The following ERBB4 variants were observed in gnomAD, a reference collection of about 807,000 sequenced individuals.
The protein encoded by ERBB4 is erb-b2 receptor tyrosine kinase 4.
A neutral mutation model predicts 158.0 loss-of-function variants in ERBB4; 42 were observed. The observed-to-expected ratio is 0.27, with a 90% CI of 0.21 to 0.34. ERBB4 has a LOEUF of 0.34. Ranked by LOEUF, ERBB4 falls within the 10% of genes least tolerant of loss-of-function variation. The pLI, the probability that ERBB4 is intolerant of heterozygous loss-of-function variation, is 1.00. For missense variants in ERBB4, 1,333 were observed against 1,624.1 expected (o/e 0.82, Z 3.08); for synonymous variants, 583 against 558.7 (o/e 1.04, Z -0.61).
At chr2:212,277,618 G>A (rs1245054636) in intron 1 of ERBB4, among the ~76,000 whole-genome samples, 4 of 151,646 alleles carry the variant, frequency 2.6e-5, no homozygotes, top group African/African-American at 4.8e-5. Flanking sequence ...AGCCACAGAG[G>A]AAGACCACAA....
chr2:212,109,483 T>C (rs1439715723), intron 2 of ERBB4, among the ~76,000 whole-genome samples: 1 of 152,216 alleles, frequency 6.6e-6, no homozygotes, highest in Non-Finnish European at 1.5e-5. Flanking sequence ...CCCACTTCTT[T>C]CAGCTATTAC....
chr2:211,814,300 A>C (rs2076829031), intron 3 of ERBB4, among the ~76,000 whole-genome samples: 1 of 152,180 alleles, frequency 6.6e-6, no homozygotes, highest in Non-Finnish European at 1.5e-5. Flanking sequence ...GGATAAAATG[A>C]GATGATGCAT....
At chr2:211,555,921 A>T (rs979468143) in intron 20 of ERBB4, among the ~76,000 whole-genome samples, 1 of 152,222 alleles carries the variant, frequency 6.6e-6, no homozygotes, top group Non-Finnish European at 1.5e-5. Flanking sequence ...ACAAGTCTGC[A>T]TGATAACCAG....
intron 25 of ERBB4, among the ~76,000 whole-genome samples, chr2:211,413,309 AACACAC>A (rs36108369): frequency 2.3e-4 from 22 of 94,576 alleles, no homozygotes; most frequent in African/African-American, 3.8e-4. Flanking sequence ...CTGTCTTAAA[AACACAC>A]ACACACACAC....
intron 1 of ERBB4, among the ~76,000 whole-genome samples, chr2:212,493,067 G>C (rs1690366545): frequency 6.6e-6 from 1 of 151,166 alleles, no homozygotes; most frequent in Non-Finnish European, 1.5e-5. Flanking sequence ...AATACATTCT[G>C]ATTATTTGGT....
intron 1 of ERBB4, among the ~76,000 whole-genome samples, chr2:212,529,370 G>T (rs1692625082): frequency 6.6e-6 from 1 of 152,140 alleles, no homozygotes; most frequent in South Asian, 2.1e-4. Context: ...AACAGAAATT[G>T]CACCATATTT....
chr2:211,485,131 GCT>G (rs2065172269), intron 20 of ERBB4, among the ~76,000 whole-genome samples: 1 of 152,118 alleles, frequency 6.6e-6, no homozygotes, highest in Admixed American at 6.6e-5. Context: ...CTAATGTGAT[GCT>G]CTGTGGTACT....
chr2:211,699,013 A>T (rs7422053), intron 12 of ERBB4, among the ~76,000 whole-genome samples: 33,507 of 152,186 alleles, frequency 0.22, 4,829 homozygotes, highest in Middle Eastern at 0.33. Flanking sequence ...GTTACCCTTT[A>T]TAGATGAGTT....
chr2:211,550,130 T>A (rs183438573), intron 20 of ERBB4, among the ~76,000 whole-genome samples: 1 of 152,068 alleles, frequency 6.6e-6, no homozygotes, highest in Non-Finnish European at 1.5e-5. Flanking sequence ...AATAAACGTA[T>A]CCTTCACCTC....
At chr2:212,360,507 C>T (rs1052303731) in intron 1 of ERBB4, among the ~76,000 whole-genome samples, 4 of 151,452 alleles carry the variant, frequency 2.6e-5, no homozygotes, top group African/African-American at 7.3e-5. Flanking sequence ...TTCTTTTTTC[C>T]TCGGGACTCT....
chr2:211,967,267 T>C (rs2081333660), intron 2 of ERBB4, among the ~76,000 whole-genome samples: 1 of 152,058 alleles, frequency 6.6e-6, no homozygotes, highest in Non-Finnish European at 1.5e-5. Context: ...AATATCTAAA[T>C]GAATAAAACC....
intron 1 of ERBB4, among the ~76,000 whole-genome samples, chr2:212,494,464 C>T (rs952086758): frequency 6.6e-6 from 1 of 151,836 alleles, no homozygotes; most frequent in African/African-American, 2.4e-5. Context: ...AAAAAAATGA[C>T]CTCAGTTAGA....
intron 16 of ERBB4, among the ~76,000 whole-genome samples, chr2:211,635,691 G>A (rs2070331497): frequency 6.6e-6 from 1 of 151,988 alleles, no homozygotes; most frequent in Non-Finnish European, 1.5e-5. Context: ...TCTATTTAAT[G>A]TTATAAGGAC....
chr2:211,625,957 T>C (rs905642499), intron 17 of ERBB4, among the ~76,000 whole-genome samples: 2 of 152,228 alleles, frequency 1.3e-5, no homozygotes, highest in African/African-American at 2.4e-5. Flanking sequence ...TATCATTTAA[T>C]ATATTTCACA....
At chr2:212,069,596 G>T (rs548907010) in intron 2 of ERBB4, among the ~76,000 whole-genome samples, 1 of 151,900 alleles carries the variant, frequency 6.6e-6, no homozygotes, top group Non-Finnish European at 1.5e-5. Context: ...AAGGTGTTCG[G>T]TTTAAACATT....
intron 1 of ERBB4, among the ~76,000 whole-genome samples, chr2:212,160,894 A>G (rs1263020865): frequency 2.6e-5 from 4 of 152,010 alleles, no homozygotes; most frequent in Admixed American, 6.6e-5. Context: ...TGATCTCAGA[A>G]GCCATTATGA....
intron 3 of ERBB4, among the ~76,000 whole-genome samples, chr2:211,803,766 C>T (rs1324185971): frequency 1.3e-5 from 2 of 152,162 alleles, no homozygotes; most frequent in African/African-American, 4.8e-5. Context: ...CTGTGAACTC[C>T]TCAATGATGA....
intron 1 of ERBB4, among the ~76,000 whole-genome samples, chr2:212,313,419 T>C (rs1422848444): frequency 6.6e-6 from 1 of 150,940 alleles, no homozygotes; most frequent in African/African-American, 2.4e-5. Flanking sequence ...ATTTTATATA[T>C]CTCAGAACAT....
At chr2:211,550,927 A>G (rs928529755) in intron 20 of ERBB4, among the ~76,000 whole-genome samples, 2 of 151,058 alleles carry the variant, frequency 1.3e-5, no homozygotes, top group African/African-American at 2.4e-5. Context: ...GAATTCCATT[A>G]TTAGGTTCCC....
Sources: gnomAD v4.1 joint callset for allele counts (sites outside exome capture counted in the v4.1 genomes callset) on GRCh38, gnomAD v4.1.1 for gene constraint, MANE v1.5 for transcripts, NCBI Gene and HGNC (gene_info 2026-07-23, HGNC 2026-07-21) for gene names.